Variants in NCAPH2 observed in about 807,000 individuals in gnomAD.
NCAPH2 encodes the protein condensin-2 complex subunit H2.
NCAPH2 carries 56 observed loss-of-function variants against 88.6 expected under a neutral mutation model. That is an observed-to-expected ratio of 0.63 (90% CI 0.51 to 0.79). NCAPH2 has a LOEUF of 0.79. Among genes scored for constraint, NCAPH2 ranks in the 30% least tolerant of loss-of-function variants. The pLI is 0.00. For missense variants in NCAPH2, 794 were observed against 792.0 expected, an observed-to-expected ratio of 1.00 and a Z score of -0.03; for synonymous variants, 378 against 313.6, an observed-to-expected ratio of 1.21 and a Z score of -2.17.
At chr22:50,519,899 T>G (rs1172823642) in intron 9 of NCAPH2, 1 of 521,508 alleles carries the variant, frequency 1.9e-6, no homozygotes. Context: ...GAGATGGAGT[T>G]TTGCTCTGTC....
Position 50,521,799 on chromosome 22 carries a change from G to A in NCAPH2, c.1059G>A (p.Arg353=). Residue 353 remains arginine, a synonymous_variant, in exon 12 of 20, where the codon AGG becomes AGA. Coordinates refer to ENST00000420993, the MANE Select transcript of NCAPH2 (RefSeq NM_152299.4). The stretch of plus-strand genomic sequence containing the variant: ...AGGCTCTGGGACAGAAGCGCAAGAG[G>A]AAGGGCGCTGCCAAGCTGCAGGACT... ...VEEALGQKRK[R]KGAAKLQDFH... is the part of the protein sequence containing the mutation. 6.2e-7 allele frequency: 1 copy of A among 1,613,936 alleles called. No individual in the cohort carries two copies.
chr22:50,520,829 C>A, intron 9 of NCAPH2, 136 bp from the exon 10 acceptor site: 1 of 959,276 alleles, frequency 1.0e-6, no homozygotes, highest in South Asian at 1.7e-5. Context: ...TCCCAAAGTG[C>A]TGGGATTACA....
chr22:50,514,787 C>T lies in NCAPH2; in HGVS notation c.109-1660C>T, dbSNP rs531747706. ...CCAGATCTGACAAACACCCTTTATC[C>T]TTCAAGAGCTAATGGAAGTGACTCC... On this transcript the variant is annotated intron_variant, in intron 1 of 19. Coordinates refer to ENST00000420993, the MANE Select transcript of NCAPH2 (RefSeq NM_152299.4). Among the ~76,000 whole-genome samples the T allele has an allele frequency of 4.6e-5, 7 of 152,346 alleles. No individual in the cohort carries two copies. The South Asian group carries it at 1.5e-3, about 32-fold the overall frequency.
rs374795940 is a variant in NCAPH2 at position 50,509,676 on chromosome 22, CTT to C, written c.108+1232_108+1233del. Among the ~76,000 whole-genome samples the C allele has an allele frequency of 1.3e-4, 20 of 152,356 alleles. No individual in the cohort carries two copies. The East Asian group carries it at 3.9e-3, about 29-fold the overall frequency. Reference sequence around the variant, plus strand: ...GCTCCAACCAGCAGCAAGTGTGACTCTTAAAAATTAAAATCTGGCCACAGCAC... The same window carrying C: ...GCTCCAACCAGCAGCAAGTGTGACTCAAAAATTAAAATCTGGCCACAGCAC... On this transcript the variant is annotated intron_variant, in intron 1 of 19. Transcript: ENST00000420993.
At position 50,520,967 on chromosome 22, in the gene NCAPH2, T is replaced by C. The variant is rs1370683529; in HGVS notation, c.864T>C (p.Ser288=). ...GGACCCTGTGACTGTCTTTGCAGAG[T>C]GCTGCCCTGCCCAGGAGGTACATGC... ...EPKESRSPQQ[S]AALPRRYMLR... Residue 288 remains serine, a splice_region_variant and synonymous_variant, in exon 10 of 20, where the codon AGT becomes AGC. Transcript: ENST00000420993. 3 of 1,550,904 alleles carry C rather than the reference T, an allele frequency of 1.9e-6. No individual in the cohort carries two copies. The highest frequency in any genetic ancestry group is 1.4e-5 in the African/African-American group (1 of 73,124).
In NCAPH2 at chr22:50,508,465, G is replaced by GA. The variant is rs1915805264; in HGVS notation, c.108+21dup. ...GAGGAGGTAAGGGCGGCGGGGGAGT[G>GA]ACGCGGGGTGGGCCGGCGGGTGGGG... On this transcript the variant is annotated intron_variant, in intron 1 of 19. Coordinates refer to ENST00000420993, the MANE Select transcript of NCAPH2 (RefSeq NM_152299.4). 4 of 853,432 alleles carry GA rather than the reference G, an allele frequency of 4.7e-6. No homozygotes were observed. Among genetic ancestry groups the GA allele is most frequent in the Non-Finnish European group, 4.9e-6 (3 of 607,542 alleles). 52.9% of individuals were successfully genotyped at this position (853,432 alleles called of 1,614,324 possible).
In NCAPH2 at chr22:50,524,250, G is replaced by T; in HGVS notation, c.*875G>T. The stretch of plus-strand genomic sequence containing the variant: ...TCAGCAGCCGGGTTCGAAGCCCAGG[G>T]CCCTGGGGCTGGCCCTGCCCACCTG... On this transcript the variant is annotated 3_prime_UTR_variant, in exon 20 of 20. Coordinates refer to ENST00000420993, the MANE Select transcript of NCAPH2 (RefSeq NM_152299.4). 2.5e-6 allele frequency: 4 copies of T among 1,605,710 alleles called. No homozygotes were observed. Among genetic ancestry groups the T allele is most frequent in the Non-Finnish European group, 3.4e-6 (4 of 1,179,820 alleles).
Position 50,523,266 on chromosome 22 carries a change from A to G in NCAPH2, c.1709A>G (p.Gln570Arg). The G allele has an allele frequency of 6.2e-7, 1 of 1,611,494 alleles. No individual in the cohort carries two copies. Among genetic ancestry groups the G allele is most frequent in the Non-Finnish European group, 8.5e-7 (1 of 1,178,978 alleles). Residue 570 changes from glutamine (Q) to arginine (R), a missense_variant, in exon 20 of 20, where the codon CAG becomes CGG. Around this residue, in one of 2 missense-constraint regions of NCAPH2, gnomAD observed 735 missense variants for 696.3 expected, o/e 1.06. Transcript: ENST00000420993. ...GACTACACAGTGGAGATAACCCAGC[A>G]GCCCGGGCTGGAGATGGCCGTGGAC... ...ANDYTVEITQ[Q>R]PGLEMAVDTM...
At position 50,524,296 on chromosome 22, in the gene NCAPH2, G is replaced by C; in HGVS notation, c.*921G>C. On this transcript the variant is annotated 3_prime_UTR_variant, in exon 20 of 20. Transcript: ENST00000420993. ...ACCTGTCTCTGCAGGGCCCTGCCTTGACAAAAGCCAGGACCTCAGATGCAG... is the reference window on the plus strand; with the variant it reads ...ACCTGTCTCTGCAGGGCCCTGCCTTCACAAAAGCCAGGACCTCAGATGCAG... 2 of 1,602,964 alleles carry C rather than the reference G, an allele frequency of 1.2e-6. No homozygotes were observed. The highest frequency in any genetic ancestry group is 1.7e-6 in the Non-Finnish European group (2 of 1,179,860).
Position 50,523,601 on chromosome 22 carries a change from C to T in NCAPH2, c.*226C>T. ...AGCCCGTTTAATGATGGGGCCCAGA[C>T]TGCAGTGGCTCAAGACAGGACACTG... is the stretch of plus-strand genomic sequence containing the variant. On this transcript the variant is annotated 3_prime_UTR_variant, in exon 20 of 20. Transcript: ENST00000420993. 1.2e-6 allele frequency: 2 copies of T among 1,612,834 alleles called. No individual in the cohort carries two copies. Among genetic ancestry groups the T allele is most frequent in the Non-Finnish European group, 1.7e-6 (2 of 1,179,878 alleles).
At chr22:50,518,377 A>C in intron 7 of NCAPH2, 99 bp downstream of exon 7, 1 of 1,506,194 alleles carries the variant, frequency 6.6e-7, no homozygotes, top group Non-Finnish European at 8.9e-7. Context: ...TGGTCTTGGG[A>C]GCTCCCTGTC....
At chr22:50,516,618 G>A in intron 2 of NCAPH2, 70 bp downstream of exon 2, 1 of 1,432,902 alleles carries the variant, frequency 7.0e-7, no homozygotes, top group East Asian at 2.3e-5. Flanking sequence ...CTCCTTCTGG[G>A]GCAGGTGCAG....
At chr22:50,510,077 A>C (rs947303421) in intron 1 of NCAPH2, among the ~76,000 whole-genome samples, 15 of 152,092 alleles carry the variant, frequency 9.9e-5, no homozygotes, top group African/African-American at 3.4e-4. Flanking sequence ...GCCCGCCTCC[A>C]CGCCCAACTA....
In NCAPH2 at chr22:50,524,233, C is replaced by G; in HGVS notation, c.*858C>G. On this transcript the variant is annotated 3_prime_UTR_variant, in exon 20 of 20. Transcript: ENST00000420993. ...CCCGAACAGGCCTGTGATCAGCAGC[C>G]GGGTTCGAAGCCCAGGGCCCTGGGG... 3 of 1,607,244 alleles carry G rather than the reference C, an allele frequency of 1.9e-6. No homozygotes were observed. Among genetic ancestry groups the G allele is most frequent in the Non-Finnish European group, 1.7e-6 (2 of 1,179,880 alleles).
chr22:50,524,473 G>C lies in NCAPH2; in HGVS notation c.*1098G>C, dbSNP rs752782682. The stretch of plus-strand genomic sequence containing the variant: ...GAGCCAGAAGGGAAGGCCCAGGACA[G>C]TGCCTGGGCTGCCCCTGCGACTTGA... On this transcript the variant is annotated 3_prime_UTR_variant, in exon 20 of 20. Coordinates refer to ENST00000420993, the MANE Select transcript of NCAPH2 (RefSeq NM_152299.4). 1.3e-6 allele frequency: 2 copies of C among 1,545,814 alleles called. No individual in the cohort carries two copies. The highest frequency in any genetic ancestry group is 2.3e-5 in the South Asian group (2 of 87,662).
chr22:50,510,244 G>A (rs914308896), intron 1 of NCAPH2, among the ~76,000 whole-genome samples: 1 of 151,776 alleles, frequency 6.6e-6, no homozygotes, highest in African/African-American at 2.4e-5. Flanking sequence ...TAAATAAAGA[G>A]GGACTTCATA....
At position 50,523,359 on chromosome 22, in the gene NCAPH2, C is replaced by T; in HGVS notation, c.1802C>T (p.Ser601Phe). 6.4e-7 allele frequency: 1 copy of T among 1,551,878 alleles called. No homozygotes were observed. Residue 601 changes from serine to phenylalanine, a missense_variant, in exon 20 of 20, where the codon TCC (serine) becomes TTC (phenylalanine). Physicochemically the swap from Ser to Phe is radical, Grantham distance 155. This residue lies in a region of NCAPH2 where 735 missense variants were observed against 696.3 expected (regional missense o/e 1.06). Coordinates refer to ENST00000420993, the MANE Select transcript of NCAPH2 (RefSeq NM_152299.4). ...HKRFQTYAAPSMAQP is the reference protein window; with the variant it reads ...HKRFQTYAAPFMAQP ...CGCTTCCAGACCTACGCTGCCCCCTCCATGGCCCAGCCCTGAGTGGGGAGC... is the reference window on the plus strand; with the variant it reads ...CGCTTCCAGACCTACGCTGCCCCCTTCATGGCCCAGCCCTGAGTGGGGAGC...
Position 50,523,469 on chromosome 22 carries a change from C to T in NCAPH2, c.*94C>T, listed in dbSNP as rs2069179530. 6.5e-7 allele frequency: 1 copy of T among 1,529,302 alleles called. No homozygotes were observed. The highest frequency in any genetic ancestry group is 1.2e-5 in the South Asian group (1 of 82,954). The allele number at this position is 1,529,302 out of a possible 1,614,324, so 94.7% of individuals were successfully genotyped here. Reference sequence around the variant, plus strand: ...CGGCCTAATAAAGCAGTGTTGCCATCTCATCTTCCCCCTAAAAACCCTTTT... The same window carrying T: ...CGGCCTAATAAAGCAGTGTTGCCATTTCATCTTCCCCCTAAAAACCCTTTT... On this transcript the variant is annotated 3_prime_UTR_variant, in exon 20 of 20. Coordinates refer to ENST00000420993, the MANE Select transcript of NCAPH2 (RefSeq NM_152299.4).
intron 10 of NCAPH2, 147 bp downstream of exon 10, chr22:50,521,183 T>C (rs2069078948): frequency 1.1e-6 from 1 of 869,982 alleles, no homozygotes; most frequent in Non-Finnish European, 1.8e-6. Flanking sequence ...GACCCCCTCA[T>C]GCGACTCTGG....
Sources: gnomAD v4.1 joint callset for allele counts (sites outside exome capture counted in the v4.1 genomes callset) on GRCh38, gnomAD v4.1.1 for gene constraint, gnomAD v4.1.1 regional missense constraint, MANE v1.5 for transcripts, NCBI Gene and HGNC (gene_info 2026-07-23, HGNC 2026-07-21) for gene names.